Variants in CASP4 observed in about 807,000 individuals in gnomAD.
CASP4 encodes the protein caspase-4.
Under a neutral mutation model 41.3 loss-of-function variants are expected in CASP4, and 29 were observed. The observed-to-expected ratio is 0.70, with a 90% CI of 0.52 to 0.96. The LOEUF (loss-of-function observed/expected upper bound fraction) is 0.96. Among genes scored for constraint, CASP4 ranks in the 40% least tolerant of loss-of-function variants. The probability of loss-of-function intolerance (pLI) is 0.00; values close to 1 mark genes in which losing one functional copy is unlikely to be tolerated. For missense variants in CASP4, 447 were observed against 460.6 expected, an observed-to-expected ratio of 0.97 and a Z score of 0.27; for synonymous variants, 185 against 158.4, an observed-to-expected ratio of 1.17 and a Z score of -1.26.
chr11:104,942,908 T>A lies in CASP4; in HGVS notation c.*71A>T. 4.4e-6 allele frequency: 2 copies of A among 456,190 alleles called. No individual in the cohort carries two copies. Among genetic ancestry groups the A allele is most frequent in the Non-Finnish European group, 8.8e-6 (2 of 226,952 alleles). 28.3% of individuals were successfully genotyped at this position (456,190 alleles called of 1,614,324 possible). On this transcript the variant is annotated 3_prime_UTR_variant, in exon 9 of 9. Coordinates refer to ENST00000444739, the MANE Select transcript of CASP4 (RefSeq NM_001225.4). ...TTATTGAAATACAAAATGTTAAATA[T>A]GCAAGCTGTACTAATGAAGGTGCTC...
intron 1 of CASP4, among the ~76,000 whole-genome samples, chr11:104,960,623 C>A (rs191262361): frequency 1.3e-5 from 2 of 152,118 alleles, no homozygotes; most frequent in African/African-American, 2.4e-5. Context: ...GTGCACACAA[C>A]CACGCCTGGC....
rs865782544 is a variant in CASP4, at chr11:104,946,178, G to A, written c.1035+905C>T. ...GCTTTCTTCTATAAACGCCAGAGGTGTATCTTTCTTTTCCCGCAGGAGTTT... is the reference window on the plus strand; with the variant it reads ...GCTTTCTTCTATAAACGCCAGAGGTATATCTTTCTTTTCCCGCAGGAGTTT... On this transcript the variant is annotated intron_variant, in intron 7 of 8. Coordinates refer to ENST00000444739, the MANE Select transcript of CASP4 (RefSeq NM_001225.4). Among the ~76,000 whole-genome samples the A allele has an allele frequency of 2.0e-5, 3 of 151,972 alleles. No homozygotes were observed. The South Asian group carries it at 6.2e-4, about 32-fold the overall frequency.
intron 1 of CASP4, among the ~76,000 whole-genome samples, chr11:104,964,482 A>T (rs1860930464): frequency 6.6e-6 from 1 of 152,222 alleles, no homozygotes; most frequent in African/African-American, 2.4e-5. Flanking sequence ...CTTTGTAAGT[A>T]TTCTCAATTT....
chr11:104,951,491 T>G, intron 3 of CASP4: 1 of 249,810 alleles, frequency 4.0e-6, no homozygotes, highest in Non-Finnish European at 7.8e-6. Flanking sequence ...ACACATAAAT[T>G]TATAATGTTT....
intron 1 of CASP4, among the ~76,000 whole-genome samples, chr11:104,960,768 T>A (rs55775626): frequency 2.0e-5 from 3 of 152,144 alleles, no homozygotes; most frequent in African/African-American, 7.2e-5. Context: ...AGCCACCACA[T>A]CCAGCCTTTT....
intron 1 of CASP4, among the ~76,000 whole-genome samples, chr11:104,960,859 G>A (rs942373795): frequency 2.0e-5 from 3 of 151,976 alleles, no homozygotes; most frequent in Admixed American, 2.0e-4. Context: ...TGAGGACAGG[G>A]GCCATGAACT....
At chr11:104,958,976 AAAAAAAAAAAAG>A (rs1860800404) in intron 1 of CASP4, among the ~76,000 whole-genome samples, 1 of 150,942 alleles carries the variant, frequency 6.6e-6, no homozygotes, top group African/African-American at 2.4e-5. Context: ...AAAAAAAAAA[AAAAAAAAAAAAG>A]AGTAAATTAG....
At chr11:104,967,172 A>G (rs1860992891) in intron 1 of CASP4, among the ~76,000 whole-genome samples, 1 of 152,216 alleles carries the variant, frequency 6.6e-6, no homozygotes, top group South Asian at 2.1e-4. Flanking sequence ...ATAGCTGTCT[A>G]CATTTGGTTG....
chr11:104,949,466 C>T, intron 5 of CASP4, 77 bp downstream of exon 5: 1 of 1,440,896 alleles, frequency 6.9e-7, no homozygotes, highest in African/African-American at 1.4e-5. Flanking sequence ...AAGAATGTTG[C>T]CCCTAAATAT....
At chr11:104,947,245 G>A in intron 6 of CASP4, 53 bp from the exon 7 acceptor site, 1 of 1,088,980 alleles carries the variant, frequency 9.2e-7, no homozygotes, top group Non-Finnish European at 1.3e-6. Context: ...CTATGTTTTT[G>A]TTCATATTTT....
chr11:104,947,286 A>T, intron 6 of CASP4, 94 bp from the exon 7 acceptor site: 1 of 704,272 alleles, frequency 1.4e-6, no homozygotes, highest in Non-Finnish European at 2.4e-6. Context: ...AAAGAAAAGC[A>T]TAGCTTGGGA....
chr11:104,944,537 G>A, intron 8 of CASP4: 1 of 459,122 alleles, frequency 2.2e-6, no homozygotes, highest in Non-Finnish European at 3.9e-6. Context: ...TTACCTCCTT[G>A]ATTGATTGAT....
At chr11:104,967,182 G>T (rs186651971) in intron 1 of CASP4, among the ~76,000 whole-genome samples, 20 of 152,228 alleles carry the variant, frequency 1.3e-4, no homozygotes, top group Non-Finnish European at 2.5e-4. Flanking sequence ...ACATTTGGTT[G>T]TTTATAATTA....
At position 104,949,715 on chromosome 11, in the gene CASP4, T is replaced by C. The variant is rs200347004; in HGVS notation, c.609A>G (p.Thr203=). The C allele has an allele frequency of 1.1e-4, 183 of 1,613,968 alleles. No individual in the cohort carries two copies. The highest frequency in any genetic ancestry group is 1.7e-4 in the Middle Eastern group (1 of 6,060). The change falls in exon 5 of 9, where the codon ACA becomes ACG. Residue 203 remains threonine, a synonymous_variant. Coordinates refer to ENST00000444739, the MANE Select transcript of CASP4 (RefSeq NM_001225.4). The part of the protein sequence containing the change: ...TRPEHKSSDS[T]FLVLMSHGIL... ...TGCCATGAGACATGAGTACCAAGAA[T>C]GTGCTGTCAGAGGACTTGTGCTCTG...
intron 1 of CASP4, among the ~76,000 whole-genome samples, chr11:104,960,420 G>T (rs763183778): frequency 7.2e-5 from 11 of 151,856 alleles, no homozygotes; most frequent in Non-Finnish European, 1.3e-4. Context: ...TGCTCCTAGG[G>T]CACCTTGTAT....
chr11:104,959,978 G>A (rs1860822279), intron 1 of CASP4, among the ~76,000 whole-genome samples: 2 of 152,166 alleles, frequency 1.3e-5, no homozygotes, highest in South Asian at 4.1e-4. Flanking sequence ...GCAACGAAGA[G>A]TGTTCCAATA....
chr11:104,963,271 A>G (rs1249156161), intron 1 of CASP4, among the ~76,000 whole-genome samples: 1 of 152,068 alleles, frequency 6.6e-6, no homozygotes, highest in Non-Finnish European at 1.5e-5. Context: ...TTGTCTTGCC[A>G]CTCTTAATGC....
chr11:104,968,368 G>A lies in CASP4; in HGVS notation c.7+151C>T, dbSNP rs939840049. 7.2e-6 allele frequency: 5 copies of A among 694,972 alleles called. No homozygotes were observed. In the East Asian group the frequency reaches 1.3e-4, roughly 18 times the overall value. 43.1% of individuals were successfully genotyped at this position (694,972 alleles called of 1,614,324 possible). On this transcript the variant is annotated intron_variant, in intron 1 of 8. Transcript: ENST00000444739. ...CCTCCGTCAATATCTCTAACACCAG[G>A]TCCCATGATTCAAACTACACACAAT... is the stretch of plus-strand genomic sequence containing the variant.
At chr11:104,960,027 C>G (rs767332704) in intron 1 of CASP4, among the ~76,000 whole-genome samples, 124 of 152,178 alleles carry the variant, frequency 8.1e-4, no homozygotes, top group Non-Finnish European at 1.3e-3. Flanking sequence ...CTATTCTAAT[C>G]TAGGCCTTCT....
Sources: allele counts gnomAD v4.1 joint callset (sites outside exome capture counted in the v4.1 genomes callset), GRCh38; gene constraint gnomAD v4.1.1; transcripts MANE v1.5; gene names NCBI Gene and HGNC (gene_info 2026-07-23, HGNC 2026-07-21).